Variants in PCLO observed in about 807,000 individuals in gnomAD.
PCLO encodes piccolo presynaptic cytomatrix protein.
Under a neutral mutation model 427.5 loss-of-function variants are expected in PCLO, and 82 were observed. That is an observed-to-expected ratio of 0.19 (90% CI 0.16 to 0.23). PCLO has a LOEUF of 0.23. Among genes scored for constraint, PCLO ranks in the 10% least tolerant of loss-of-function variants. PCLO has a pLI of 1.00. For synonymous variants in PCLO, 2,357 were observed against 2,155.4 expected, an observed-to-expected ratio of 1.09 and a Z score of -2.59; for missense variants, 6,239 against 6,115.9, an observed-to-expected ratio of 1.02 and a Z score of -0.67.
rs763910413 is a variant in PCLO, at chr7:82,953,275, G to A, written c.7678C>T (p.Pro2560Ser). The change falls in exon 5 of 25, where the codon CCA becomes TCA. Residue 2560 changes from proline to serine, a missense_variant. Physicochemically the swap from Pro to Ser is moderately conservative, Grantham distance 74 (BLOSUM62 -1). This residue lies in a region of PCLO where 4,677 missense variants were observed against 4,468.4 expected (regional missense o/e 1.05). Coordinates refer to ENST00000333891, the MANE Select transcript of PCLO (RefSeq NM_033026.6). The part of the protein sequence containing the change: ...ADYKLPSPTS[P>S]LSPHSNKSSP... ...GACTTGTTGGAGTGTGGGGAAAGTG[G>A]GGAGGTAGGGGAAGGCAATTTATAA... 1.2e-6 allele frequency: 2 copies of A among 1,613,702 alleles called. No homozygotes were observed. Among genetic ancestry groups the A allele is most frequent in the East Asian group, 2.2e-5 (1 of 44,846 alleles).
intron 20 of PCLO, chr7:82,821,299 G>A (rs1791785469): frequency 7.1e-6 from 7 of 986,228 alleles, no homozygotes; most frequent in Non-Finnish European, 8.4e-6. Flanking sequence ...GTGCTGCTGT[G>A]GCAGTGTGGG....
chr7:83,080,826 C>T (rs1254290754), intron 3 of PCLO, among the ~76,000 whole-genome samples: 1 of 151,966 alleles, frequency 6.6e-6, no homozygotes, highest in African/African-American at 2.4e-5. Context: ...ATGGATAGTG[C>T]TGAATCCTAT....
chr7:83,045,987 G>C (rs1789095081), intron 3 of PCLO, among the ~76,000 whole-genome samples: 2 of 152,138 alleles, frequency 1.3e-5, no homozygotes, highest in South Asian at 2.1e-4. Flanking sequence ...CCAATATATT[G>C]GCAGGTTTGA....
At chr7:82,821,550 G>T (rs1208759879) in intron 20 of PCLO, 2 of 976,858 alleles carry the variant, frequency 2.0e-6, no homozygotes, top group Non-Finnish European at 2.4e-6. Context: ...AAGTAACAGG[G>T]TACCTACATT....
chr7:83,013,387 T>TA (rs1788133807), intron 3 of PCLO, among the ~76,000 whole-genome samples: 1 of 152,204 alleles, frequency 6.6e-6, no homozygotes, highest in Non-Finnish European at 1.5e-5. Flanking sequence ...TTCAGTCTTT[T>TA]AACCTCTATA....
chr7:83,026,713 C>T (rs1788508634), intron 3 of PCLO, among the ~76,000 whole-genome samples: 1 of 151,992 alleles, frequency 6.6e-6, no homozygotes, highest in South Asian at 2.1e-4. Flanking sequence ...AAGTAAAGCT[C>T]TCCTCAGCAA....
intron 6 of PCLO, among the ~76,000 whole-genome samples, chr7:82,925,065 A>G (rs867028157): frequency 6.6e-6 from 1 of 152,132 alleles, no homozygotes; most frequent in Non-Finnish European, 1.5e-5. Context: ...ACTGACTTTG[A>G]ATACAAGAAT....
At chr7:82,957,039 G>A in intron 4 of PCLO, 104 bp from the exon 5 acceptor site, 3 of 1,271,768 alleles carry the variant, frequency 2.4e-6, no homozygotes, top group South Asian at 2.6e-5. Flanking sequence ...AAATAATTTT[G>A]GAAAATTTTT....
At chr7:82,775,317 G>A (rs1008030731) in intron 22 of PCLO, among the ~76,000 whole-genome samples, 5 of 152,134 alleles carry the variant, frequency 3.3e-5, no homozygotes, top group Admixed American at 1.3e-4. Flanking sequence ...TCGCCAAACT[G>A]TTTTCCAAAG....
chr7:83,016,981 G>T (rs2116031280), intron 3 of PCLO, among the ~76,000 whole-genome samples: 1 of 152,180 alleles, frequency 6.6e-6, no homozygotes, highest in Admixed American at 6.6e-5. Context: ...ATGGCTTAAA[G>T]TGGGGAAATG....
intron 3 of PCLO, among the ~76,000 whole-genome samples, chr7:83,052,309 T>A (rs1233087041): frequency 6.6e-6 from 1 of 151,838 alleles, no homozygotes; most frequent in African/African-American, 2.4e-5. Context: ...AATATTTCTG[T>A]AAATATAAAA....
At chr7:82,829,968 T>A (rs898528027) in intron 16 of PCLO, among the ~76,000 whole-genome samples, 3 of 152,030 alleles carry the variant, frequency 2.0e-5, no homozygotes, top group Admixed American at 2.0e-4. Context: ...AAAAACTTAA[T>A]ATGGTATGGT....
At chr7:83,152,670 T>C (rs927436017) in intron 2 of PCLO, among the ~76,000 whole-genome samples, 29 of 152,192 alleles carry the variant, frequency 1.9e-4, no homozygotes, top group African/African-American at 6.0e-4. Context: ...CCTATATCTA[T>C]TGAAATAGTG....
intron 3 of PCLO, among the ~76,000 whole-genome samples, chr7:83,106,442 A>G (rs1323616181): frequency 6.6e-6 from 1 of 152,160 alleles, no homozygotes; most frequent in Non-Finnish European, 1.5e-5. Flanking sequence ...GGCGAAGTAA[A>G]TACTTTGATT....
intron 3 of PCLO, among the ~76,000 whole-genome samples, chr7:82,969,122 G>A (rs1261695168): frequency 2.0e-5 from 3 of 152,090 alleles, no homozygotes; most frequent in African/African-American, 7.2e-5. Flanking sequence ...ATGGTACATG[G>A]CTCTTGGCAC....
chr7:83,129,970 C>A (rs1390728432), intron 3 of PCLO, among the ~76,000 whole-genome samples: 1 of 150,760 alleles, frequency 6.6e-6, no homozygotes. Context: ...AAAAGTACAT[C>A]AAATTTATCT....
At chr7:82,935,562 A>G (rs1465145458) in intron 6 of PCLO, among the ~76,000 whole-genome samples, 1 of 151,662 alleles carries the variant, frequency 6.6e-6, no homozygotes, top group Non-Finnish European at 1.5e-5. Context: ...TTAATATTAA[A>G]AAAATCTATG....
At chr7:82,779,973 T>G (rs189998516) in intron 22 of PCLO, among the ~76,000 whole-genome samples, 1 of 152,138 alleles carries the variant, frequency 6.6e-6, no homozygotes, top group Non-Finnish European at 1.5e-5. Flanking sequence ...GTTCAGCATA[T>G]TTTAAGCTCT....
intron 3 of PCLO, among the ~76,000 whole-genome samples, chr7:83,035,050 T>A (rs1005778310): frequency 6.6e-6 from 1 of 152,222 alleles, no homozygotes; most frequent in Non-Finnish European, 1.5e-5. Flanking sequence ...TTAGGTGATA[T>A]AATATCCATT....
Sources: gnomAD v4.1 joint callset for allele counts (sites outside exome capture counted in the v4.1 genomes callset) on GRCh38, gnomAD v4.1.1 for gene constraint, gnomAD v4.1.1 regional missense constraint, MANE v1.5 for transcripts, NCBI Gene and HGNC (gene_info 2026-07-23, HGNC 2026-07-21) for gene names.